The following IQGAP2 variants were observed in gnomAD, a reference collection of about 807,000 sequenced individuals.
IQGAP2 encodes the protein ras GTPase-activating-like protein IQGAP2.
IQGAP2 carries 173 observed loss-of-function variants against 201.3 expected under a neutral mutation model. That is an observed-to-expected ratio of 0.86 (90% CI 0.76 to 0.98). The LOEUF is 0.98. Among genes scored for constraint, IQGAP2 ranks in the 50% least tolerant of loss-of-function variants. IQGAP2 has a pLI of 0.00. For missense variants in IQGAP2, 1,687 were observed against 1,864.8 expected, an observed-to-expected ratio of 0.90 and a Z score of 1.76; for synonymous variants, 675 against 673.9, an observed-to-expected ratio of 1.00 and a Z score of -0.03.
intron 2 of IQGAP2, among the ~76,000 whole-genome samples, chr5:76,494,521 C>G (rs1047624794): frequency 1.3e-5 from 2 of 152,256 alleles, no homozygotes; most frequent in African/African-American, 4.8e-5. Flanking sequence ...TGTACATGCC[C>G]TCAGCATTCT....
chr5:76,677,200 T>G lies in IQGAP2; in HGVS notation c.3528-18T>G. On this transcript the variant is annotated intron_variant, in intron 27 of 35. Transcript: ENST00000274364. Reference sequence around the variant, plus strand: ...CACATGTTTGAGTCTGTCTTAAGACTTTTCCCCCCTTTATTAGGAAATATT... The same window carrying G: ...CACATGTTTGAGTCTGTCTTAAGACGTTTCCCCCCTTTATTAGGAAATATT... 1 of 1,609,216 alleles carries G rather than the reference T, an allele frequency of 6.2e-7. No individual in the cohort carries two copies.
intron 2 of IQGAP2, among the ~76,000 whole-genome samples, chr5:76,505,825 T>C (rs1342219190): frequency 6.6e-6 from 1 of 152,222 alleles, no homozygotes; most frequent in Admixed American, 6.5e-5. Context: ...ACCCATTATG[T>C]TCTAGGCACT....
Position 76,592,269 on chromosome 5 carries a change from C to T in IQGAP2, c.820-569C>T, listed in dbSNP as rs113131692. Among the ~76,000 whole-genome samples the T allele has an allele frequency of 8.0e-3, 1,222 of 152,300 alleles. 14 individuals are homozygous for T. Among genetic ancestry groups the T allele is most frequent in the African/African-American group, 0.027 (1,132 of 41,564 alleles). Reference sequence around the variant, plus strand: ...AGCTGACCCCCTCATCTTTTTGGCTCACCATGGACACACTCCAAGCTGTAG... The same window carrying T: ...AGCTGACCCCCTCATCTTTTTGGCTTACCATGGACACACTCCAAGCTGTAG... On this transcript the variant is annotated intron_variant, in intron 8 of 35. Coordinates refer to ENST00000274364, the MANE Select transcript of IQGAP2 (RefSeq NM_006633.5).
chr5:76,606,589 G>C (rs2150331971), intron 12 of IQGAP2: 1 of 199,058 alleles, frequency 5.0e-6, no homozygotes. Context: ...TAAATACAGA[G>C]ACAGCTAAAT....
intron 5 of IQGAP2, 45 bp from the exon 6 acceptor site, chr5:76,588,861 T>C (rs775114361): frequency 1.2e-5 from 14 of 1,186,124 alleles, no homozygotes; most frequent in Non-Finnish European, 1.7e-5. Flanking sequence ...ACATTAAGAC[T>C]TATGATGATA....
rs1168348207 is a variant in IQGAP2, at chr5:76,611,102, T to C, written c.1440T>C (p.Thr480=). ...LRTLETLLLP[T]ANISDVDPAH... ...CTTTAGAAACTTTGCTCCTACCTAC[T>C]GCGAATATTAGTGATGTGGACCCAG... Residue 480 remains threonine, a synonymous_variant, in exon 13 of 36, where the codon ACT becomes ACC. Transcript: ENST00000274364. 1.2e-6 allele frequency: 2 copies of C among 1,613,980 alleles called. No individual in the cohort carries two copies. Among genetic ancestry groups the C allele is most frequent in the South Asian group, 1.1e-5 (1 of 91,086 alleles).
intron 20 of IQGAP2, among the ~76,000 whole-genome samples, chr5:76,655,573 G>A (rs907248178): frequency 2.6e-5 from 4 of 152,008 alleles, no homozygotes; most frequent in South Asian, 2.1e-4. Flanking sequence ...TCAGCCTTCC[G>A]AGTAGCTGGG....
intron 28 of IQGAP2, among the ~76,000 whole-genome samples, chr5:76,678,173 A>C (rs1744991694): frequency 6.6e-6 from 1 of 152,186 alleles, no homozygotes; most frequent in African/African-American, 2.4e-5. Context: ...ACGCAACGAA[A>C]ACAAGAAACT....
intron 2 of IQGAP2, among the ~76,000 whole-genome samples, chr5:76,484,298 A>C (rs74785817): frequency 0.01 from 1,539 of 152,274 alleles, 26 homozygotes; most frequent in African/African-American, 0.035. Flanking sequence ...TCAGGGTTAC[A>C]AGGAATAACC....
chr5:76,479,865 T>C (rs1464763589), intron 2 of IQGAP2, among the ~76,000 whole-genome samples: 1 of 152,082 alleles, frequency 6.6e-6, no homozygotes, highest in African/African-American at 2.4e-5. Context: ...TAAACTCATG[T>C]GTGTGGTGTA....
At chr5:76,473,003 C>G (rs940218523) in intron 2 of IQGAP2, among the ~76,000 whole-genome samples, 1 of 152,174 alleles carries the variant, frequency 6.6e-6, no homozygotes, top group Non-Finnish European at 1.5e-5. Context: ...AGCATTATCC[C>G]CATTTGATAG....
intron 13 of IQGAP2, chr5:76,618,287 A>T (rs368876845): frequency 6.2e-7 from 1 of 1,614,138 alleles, no homozygotes; most frequent in African/African-American, 1.3e-5. Context: ...CACAAAAAAG[A>T]AAATCTGCAA....
At chr5:76,595,067 G>A (rs1013197206) in intron 9 of IQGAP2, among the ~76,000 whole-genome samples, 1 of 151,990 alleles carries the variant, frequency 6.6e-6, no homozygotes, top group African/African-American at 2.4e-5. Context: ...CACATTCATA[G>A]CAACCATAGT....
intron 13 of IQGAP2, chr5:76,618,541 A>T: frequency 6.2e-7 from 1 of 1,614,160 alleles, no homozygotes; most frequent in Non-Finnish European, 8.5e-7. Context: ...CAGCCTTCCA[A>T]GGCAGAAAAG....
At chr5:76,677,107 T>G (rs1744885174) in intron 27 of IQGAP2, 111 bp from the exon 28 acceptor site, 2 of 1,055,476 alleles carry the variant, frequency 1.9e-6, no homozygotes, top group Admixed American at 4.6e-5. Flanking sequence ...CTCTCAAGGT[T>G]TGAGATGGGA....
At position 76,654,127 on chromosome 5, in the gene IQGAP2, G is replaced by A. The variant is rs977357453; in HGVS notation, c.2179-73G>A. On this transcript the variant is annotated intron_variant, in intron 18 of 35. Coordinates refer to ENST00000274364, the MANE Select transcript of IQGAP2 (RefSeq NM_006633.5). ...GAAAAACTACACAAAACCGTATTAC[G>A]GGTTGTTTGGTGATTACTTTGACTT... 25 of 978,036 alleles carry A rather than the reference G, an allele frequency of 2.6e-5. No homozygotes were observed. The Admixed American group carries it at 2.7e-4, about 11-fold the overall frequency. The allele number at this position is 978,036 out of a possible 1,614,324, so 60.6% of individuals were successfully genotyped here.
At chr5:76,414,824 G>A (rs1185512275) in intron 1 of IQGAP2, among the ~76,000 whole-genome samples, 2 of 152,210 alleles carry the variant, frequency 1.3e-5, no homozygotes, top group Admixed American at 1.3e-4. Context: ...TGGTTAACAG[G>A]TTGGAGGATT....
chr5:76,425,405 C>T (rs1751940440), intron 1 of IQGAP2, among the ~76,000 whole-genome samples: 1 of 152,150 alleles, frequency 6.6e-6, no homozygotes, highest in South Asian at 2.1e-4. Flanking sequence ...GTTGCCATTG[C>T]AGAACCACGG....
chr5:76,673,675 G>A, intron 25 of IQGAP2, 86 bp downstream of exon 25: 1 of 1,352,844 alleles, frequency 7.4e-7, no homozygotes, highest in Non-Finnish European at 1.0e-6. Flanking sequence ...AGTGAAGACA[G>A]CAGTTTTCCC....
Sources: gnomAD v4.1 joint callset for allele counts (sites outside exome capture counted in the v4.1 genomes callset) on GRCh38, gnomAD v4.1.1 for gene constraint, MANE v1.5 for transcripts, NCBI Gene and HGNC (gene_info 2026-07-23, HGNC 2026-07-21) for gene names.